Variants in MAP2K1 observed in about 807,000 individuals in gnomAD.
MAP2K1 encodes the protein dual specificity mitogen-activated protein kinase kinase 1.
A neutral mutation model predicts 46.3 loss-of-function variants in MAP2K1; 16 were observed. The observed-to-expected ratio is 0.35, with a 90% CI of 0.23 to 0.52. The LOEUF (loss-of-function observed/expected upper bound fraction) is 0.52. MAP2K1 is among the 20% of genes least tolerant of loss of function. The pLI is 0.94. For missense variants in MAP2K1, 263 were observed against 497.1 expected (o/e 0.53, Z 4.48); for synonymous variants, 183 against 185.6 (o/e 0.99, Z 0.11).
chr15:66,468,003 T>C (rs1010250088), intron 5 of MAP2K1, among the ~76,000 whole-genome samples: 8 of 152,266 alleles, frequency 5.3e-5, no homozygotes, highest in Non-Finnish European at 1.0e-4. Flanking sequence ...GTACCCTGGC[T>C]ATTCTTAAGG....
intron 5 of MAP2K1, among the ~76,000 whole-genome samples, chr15:66,463,814 G>A (rs900205598): frequency 5.3e-5 from 8 of 152,144 alleles, no homozygotes; most frequent in Non-Finnish European, 1.0e-4. Context: ...TTAGGGAGTC[G>A]TGAGACATCA....
chr15:66,424,264 G>T (rs1483500749), intron 1 of MAP2K1, among the ~76,000 whole-genome samples: 1 of 151,888 alleles, frequency 6.6e-6, no homozygotes, highest in Non-Finnish European at 1.5e-5. Context: ...CGCCATGTTG[G>T]CCAGGCTGAT....
At chr15:66,411,060 G>A (rs1407562606) in intron 1 of MAP2K1, among the ~76,000 whole-genome samples, 2 of 151,628 alleles carry the variant, frequency 1.3e-5, no homozygotes, top group African/African-American at 4.8e-5. Flanking sequence ...GCAATGTTAT[G>A]TGCGTTGAGT....
At chr15:66,433,743 G>A (rs1049638986) in intron 1 of MAP2K1, among the ~76,000 whole-genome samples, 1 of 152,094 alleles carries the variant, frequency 6.6e-6, no homozygotes, top group African/African-American at 2.4e-5. Context: ...TATAATGAAG[G>A]CCTATCTTGT....
At chr15:66,454,629 A>G (rs530710025) in intron 5 of MAP2K1, among the ~76,000 whole-genome samples, 1 of 152,314 alleles carries the variant, frequency 6.6e-6, no homozygotes, top group South Asian at 2.1e-4. Context: ...TCATACCTGT[A>G]ATCCCAGCAC....
At chr15:66,444,509 G>A (rs760668218) in intron 4 of MAP2K1, 147 bp from the exon 5 acceptor site, 10 of 684,456 alleles carry the variant, frequency 1.5e-5, no homozygotes, top group Non-Finnish European at 2.7e-5. Context: ...TTCCAGCCTG[G>A]GCAACAAGAG....
rs1157278107 is a variant in MAP2K1, at chr15:66,491,160, T to C, written c.*545T>C. 2 of 281,898 alleles carry C rather than the reference T, an allele frequency of 7.1e-6. No homozygotes were observed. The highest frequency in any genetic ancestry group is 1.4e-5 in the Non-Finnish European group (2 of 147,606). 17.5% of individuals were successfully genotyped at this position (281,898 alleles called of 1,614,324 possible). On this transcript the variant is annotated 3_prime_UTR_variant, in exon 11 of 11. Transcript: ENST00000307102. ...TTGCTTTTCATGTAGAACTCAGCAG[T>C]TGACATCCAAATCTAGCCAGAGCCC...
chr15:66,457,388 G>A (rs962888235), intron 5 of MAP2K1, among the ~76,000 whole-genome samples: 4 of 152,168 alleles, frequency 2.6e-5, no homozygotes, highest in African/African-American at 9.7e-5. Flanking sequence ...CCAAAGTGCT[G>A]GGATTACAGG....
At position 66,424,606 on chromosome 15, in the gene MAP2K1, T is replaced by G. The variant is rs192280690; in HGVS notation, c.81-10421T>G. On this transcript the variant is annotated intron_variant, in intron 1 of 10. Coordinates refer to ENST00000307102, the MANE Select transcript of MAP2K1 (RefSeq NM_002755.4). ...AGCGGGGAGCCTGAGTTGCATACATTTATTTTTTTTCTCAGTCTTTCTACT... is the reference window on the plus strand; with the variant it reads ...AGCGGGGAGCCTGAGTTGCATACATGTATTTTTTTTCTCAGTCTTTCTACT... Among the ~76,000 whole-genome samples, 28 of 152,160 alleles carry G rather than the reference T, an allele frequency of 1.8e-4. 1 individual carries two copies. The East Asian group carries it at 5.4e-3, about 29-fold the overall frequency.
chr15:66,397,069 A>T (rs1313658387), intron 1 of MAP2K1, among the ~76,000 whole-genome samples: 1 of 129,520 alleles, frequency 7.7e-6, no homozygotes, highest in Non-Finnish European at 1.5e-5. Context: ...CAGTGGCACA[A>T]TCTCGGCTCA....
intron 1 of MAP2K1, among the ~76,000 whole-genome samples, chr15:66,392,366 A>G (rs2093358584): frequency 7.4e-6 from 1 of 135,858 alleles, no homozygotes; most frequent in African/African-American, 2.8e-5. Flanking sequence ...TTTTGTAGAG[A>G]TGGGGTTTCA....
At chr15:66,466,141 G>A (rs1892459220) in intron 5 of MAP2K1, among the ~76,000 whole-genome samples, 1 of 152,108 alleles carries the variant, frequency 6.6e-6, no homozygotes, top group South Asian at 2.1e-4. Flanking sequence ...GGCTTTTATT[G>A]GCTTTATAAA....
intron 1 of MAP2K1, among the ~76,000 whole-genome samples, chr15:66,406,841 A>T (rs1318374446): frequency 6.6e-6 from 1 of 151,952 alleles, no homozygotes; most frequent in Non-Finnish European, 1.5e-5. Context: ...GACCAGCCTG[A>T]CCAACATGGA....
intron 1 of MAP2K1, among the ~76,000 whole-genome samples, chr15:66,397,224 C>T (rs943656627): frequency 2.6e-4 from 39 of 149,834 alleles, no homozygotes; most frequent in African/African-American, 7.6e-4. Context: ...AGGATGGTCT[C>T]GATCTCCTGA....
intron 5 of MAP2K1, chr15:66,446,607 A>T (rs1297136732): frequency 3.7e-6 from 1 of 273,472 alleles, no homozygotes; most frequent in African/African-American, 2.3e-5. Context: ...TACCACCAGG[A>T]GTCACTGTGT....
rs112622747 is a variant in MAP2K1 at position 66,433,023 on chromosome 15, T to C, written c.81-2004T>C. Among the ~76,000 whole-genome samples the C allele has an allele frequency of 8.7e-3, 1,282 of 146,986 alleles. 27 individuals are homozygous for C. Among genetic ancestry groups the C allele is most frequent in the African/African-American group, 0.03 (1,220 of 40,328 alleles). On this transcript the variant is annotated intron_variant, in intron 1 of 10. Coordinates refer to ENST00000307102, the MANE Select transcript of MAP2K1 (RefSeq NM_002755.4). Reference sequence around the variant, plus strand: ...GTGTTGACAGCTTTTCGAATCTGCATTTCTAGCTGGCCTGCTGAGCCTGTC... The same window carrying C: ...GTGTTGACAGCTTTTCGAATCTGCACTTCTAGCTGGCCTGCTGAGCCTGTC...
At chr15:66,393,275 T>A (rs1370177655) in intron 1 of MAP2K1, among the ~76,000 whole-genome samples, 1 of 151,912 alleles carries the variant, frequency 6.6e-6, no homozygotes, top group Non-Finnish European at 1.5e-5. Context: ...CCCACAAGGT[T>A]CAAGCAATTC....
chr15:66,490,030 T>A (rs1893193315), intron 10 of MAP2K1: 1 of 579,338 alleles, frequency 1.7e-6, no homozygotes, highest in South Asian at 2.0e-5. Context: ...GCCCACCCCC[T>A]TCATGGGGAT....
At chr15:66,462,468 C>T (rs1267205824) in intron 5 of MAP2K1, among the ~76,000 whole-genome samples, 3 of 147,310 alleles carry the variant, frequency 2.0e-5, no homozygotes, top group African/African-American at 7.6e-5. Flanking sequence ...GTGCACTCCA[C>T]CCTGGGCGAC....
Sources: gnomAD v4.1 joint callset for allele counts (sites outside exome capture counted in the v4.1 genomes callset) on GRCh38, gnomAD v4.1.1 for gene constraint, MANE v1.5 for transcripts, NCBI Gene and HGNC (gene_info 2026-07-23, HGNC 2026-07-21) for gene names.